Variants in CLMP observed in about 807,000 individuals in gnomAD.
CLMP encodes the protein CXADR-like membrane protein.
In CLMP, 27 loss-of-function variants were observed where a neutral mutation model predicts 45.2. That is an observed-to-expected ratio of 0.60 (90% CI 0.44 to 0.82). The LOEUF (loss-of-function observed/expected upper bound fraction) is 0.82. CLMP is among the 40% of genes least tolerant of loss of function. CLMP has a pLI of 0.00. For synonymous variants in CLMP, 167 were observed against 171.4 expected, an observed-to-expected ratio of 0.97 and a Z score of 0.20; for missense variants, 403 against 448.4, an observed-to-expected ratio of 0.90 and a Z score of 0.91.
chr11:123,154,501 T>C (rs1000962840), intron 1 of CLMP, among the ~76,000 whole-genome samples: 6 of 152,138 alleles, frequency 3.9e-5, no homozygotes, highest in South Asian at 2.1e-4. Context: ...GTAGATATTT[T>C]ATTCTGAAGT....
chr11:123,109,726 T>C (rs762801109), intron 1 of CLMP, among the ~76,000 whole-genome samples: 1 of 152,144 alleles, frequency 6.6e-6, no homozygotes, highest in Non-Finnish European at 1.5e-5. Context: ...CTGGAGGACA[T>C]GGGGAACCAA....
At chr11:123,075,971 G>A (rs1307190737) in intron 5 of CLMP, among the ~76,000 whole-genome samples, 4 of 152,000 alleles carry the variant, frequency 2.6e-5, no homozygotes, top group East Asian at 3.9e-4. Context: ...TCAGGAGTTC[G>A]AGACCGGCCT....
chr11:123,192,776 T>C (rs904459640), intron 1 of CLMP, among the ~76,000 whole-genome samples: 2 of 152,152 alleles, frequency 1.3e-5, no homozygotes, highest in African/African-American at 4.8e-5. Context: ...AGCCCCTGTT[T>C]GATACTGTGC....
chr11:123,112,994 C>G (rs1404689155), intron 1 of CLMP, among the ~76,000 whole-genome samples: 1 of 151,742 alleles, frequency 6.6e-6, no homozygotes, highest in African/African-American at 2.4e-5. Flanking sequence ...AGGATGGTCT[C>G]GATCTCCTGA....
intron 1 of CLMP, among the ~76,000 whole-genome samples, chr11:123,150,561 AAAGGAAGGAAGGAAGGAAGGAAAGG>A (rs1861319783): frequency 8.3e-6 from 1 of 120,696 alleles, no homozygotes; most frequent in Admixed American, 8.5e-5. Flanking sequence ...GGAAGGAAGG[AAAGGAAGGAAGGAAGGAAGGAAAGG>A]AAGGAAGGAA....
Position 123,084,695 on chromosome 11 carries a change from G to T in CLMP, c.205C>A (p.Arg69Ser). The change falls in exon 3 of 7, where the codon CGT (arginine) becomes AGT (serine). Residue 69 changes from arginine (R) to serine (S), a missense_variant. Arg to Ser is a moderately radical substitution (Grantham distance 110). Transcript: ENST00000448775. ...NQKVVITYSSRHVYNNLTEEQ... is the reference protein window; with the variant it reads ...NQKVVITYSSSHVYNNLTEEQ... Reference sequence around the variant, plus strand: ...TCAGTCAAGTTATTGTAGACATGACGACTGGAGTAAGTGATCACCTGTGGG... The same window carrying T: ...TCAGTCAAGTTATTGTAGACATGACTACTGGAGTAAGTGATCACCTGTGGG... 1 of 1,614,066 alleles carries T rather than the reference G, an allele frequency of 6.2e-7. No individual in the cohort carries two copies. Among genetic ancestry groups the T allele is most frequent in the Non-Finnish European group, 8.5e-7 (1 of 1,179,996 alleles).
chr11:123,185,820 C>A (rs1186396207), intron 1 of CLMP, among the ~76,000 whole-genome samples: 2 of 152,182 alleles, frequency 1.3e-5, no homozygotes, highest in African/African-American at 4.8e-5. Context: ...AAGAAAAAAA[C>A]AAACAGATTT....
chr11:123,154,982 T>C (rs10790556), intron 1 of CLMP, among the ~76,000 whole-genome samples: 88,988 of 152,038 alleles, frequency 0.59, 27,511 homozygotes, highest in African/African-American at 0.79. Context: ...TTAGAATAGA[T>C]GATACAGAAA....
rs144963012 is a variant in CLMP, at chr11:123,110,713, C to T, written c.29-12761G>A. Among the ~76,000 whole-genome samples, 8 of 152,230 alleles carry T rather than the reference C, an allele frequency of 5.3e-5. No individual in the cohort carries two copies. In the East Asian group the frequency reaches 1.5e-3, roughly 29 times the overall value. On this transcript the variant is annotated intron_variant, in intron 1 of 6. Transcript: ENST00000448775. ...CGGATATTGAGCATCTACTTCCTTC[C>T]CAGTCTGTGGGTTAGTTTTAGAGGA...
chr11:123,126,714 G>A (rs913351354), intron 1 of CLMP, among the ~76,000 whole-genome samples: 2 of 152,008 alleles, frequency 1.3e-5, no homozygotes, highest in African/African-American at 2.4e-5. Context: ...TGGCAAACAC[G>A]GTGAAACCCC....
chr11:123,109,163 C>A (rs1281425578), intron 1 of CLMP, among the ~76,000 whole-genome samples: 3 of 151,930 alleles, frequency 2.0e-5, no homozygotes, highest in Non-Finnish European at 2.9e-5. Context: ...AAGTGTTTAT[C>A]CACATTAAAA....
intron 1 of CLMP, among the ~76,000 whole-genome samples, chr11:123,158,895 C>T (rs985896320): frequency 1.3e-5 from 2 of 152,136 alleles, no homozygotes; most frequent in Non-Finnish European, 2.9e-5. Context: ...TCGAGGGCTT[C>T]GATGTGTGGC....
chr11:123,077,242 AC>A (rs34583193), intron 5 of CLMP, among the ~76,000 whole-genome samples: 1 of 150,758 alleles, frequency 6.6e-6, no homozygotes, highest in Non-Finnish European at 1.5e-5. Context: ...CAGGTGATCT[AC>A]CCCCCGCCTT....
intron 2 of CLMP, among the ~76,000 whole-genome samples, chr11:123,086,053 A>G (rs1336345992): frequency 1.3e-5 from 2 of 152,082 alleles, no homozygotes; most frequent in Non-Finnish European, 2.9e-5. Flanking sequence ...CTGGGATTAC[A>G]GGTGTGAGCC....
intron 1 of CLMP, among the ~76,000 whole-genome samples, chr11:123,131,023 A>G (rs933861541): frequency 2.6e-5 from 4 of 151,816 alleles, no homozygotes; most frequent in Non-Finnish European, 5.9e-5. Context: ...TTGTATTTTT[A>G]GTAGAGACAG....
At chr11:123,074,173 CTTT>C (rs113482011) in intron 6 of CLMP, among the ~76,000 whole-genome samples, 7 of 130,674 alleles carry the variant, frequency 5.4e-5, no homozygotes, top group African/African-American at 1.2e-4. Flanking sequence ...TATGTACATA[CTTT>C]TTTTTTTTTT....
intron 1 of CLMP, among the ~76,000 whole-genome samples, chr11:123,160,452 T>G (rs1217214629): frequency 6.6e-6 from 1 of 152,120 alleles, no homozygotes; most frequent in East Asian, 1.9e-4. Context: ...TCCTAAATGC[T>G]GGCTCACATG....
chr11:123,106,202 A>ATTC (rs571602213), intron 1 of CLMP, among the ~76,000 whole-genome samples: 1 of 151,848 alleles, frequency 6.6e-6, no homozygotes, highest in Non-Finnish European at 1.5e-5. Flanking sequence ...GCCCAAGATA[A>ATTC]TTCTTCTTCT....
chr11:123,136,348 A>G (rs541506406), intron 1 of CLMP: 2 of 581,272 alleles, frequency 3.4e-6, no homozygotes, highest in South Asian at 3.2e-5. Context: ...AGTCGTCCTC[A>G]CTTTCATATT....
Sources: allele counts gnomAD v4.1 joint callset (sites outside exome capture counted in the v4.1 genomes callset), GRCh38; gene constraint gnomAD v4.1.1; transcripts MANE v1.5; gene names NCBI Gene and HGNC (gene_info 2026-07-23, HGNC 2026-07-21).